The following VARS2 variants were observed in gnomAD, a reference collection of about 807,000 sequenced individuals.
VARS2 encodes valine--tRNA ligase, mitochondrial.
A neutral mutation model predicts 154.1 loss-of-function variants in VARS2; 105 were observed. The observed-to-expected ratio is 0.68, with a 90% confidence interval of 0.58 to 0.80. VARS2 has a LOEUF of 0.80. VARS2 is among the 30% of genes least tolerant of loss of function. The pLI is 0.00. For synonymous variants in VARS2, 483 were observed against 539.5 expected, an observed-to-expected ratio of 0.90 and a Z score of 1.45; for missense variants, 1,157 against 1,361.4, an observed-to-expected ratio of 0.85 and a Z score of 2.36.
chr6:30,917,070 G>A lies in VARS2; in HGVS notation c.754-35G>A. 6.2e-7 allele frequency: 1 copy of A among 1,614,232 alleles called. No individual in the cohort carries two copies. The highest frequency in any genetic ancestry group is 8.5e-7 in the Non-Finnish European group (1 of 1,180,046). ...CCTGAGCAGGGTGATGGGCTGAGAA[G>A]TGGCTCTTAGAGGTGGACACTCAGG... On this transcript the variant is annotated intron_variant, in intron 8 of 29. Transcript: ENST00000676266. This position sits in a 1 kb window ranked among gnomAD's most constrained non-coding sequence, Gnocchi z 4.4.
chr6:30,925,142 T>A, intron 26 of VARS2, 132 bp from the exon 27 acceptor site: 1 of 537,600 alleles, frequency 1.9e-6, no homozygotes, highest in Middle Eastern at 2.7e-4. Context: ...GATAGTGGAT[T>A]TTCTGTGGTG....
chr6:30,921,440 G>A lies in VARS2; in HGVS notation c.1632+135G>A, dbSNP rs1794506947. 3 of 1,417,710 alleles carry A rather than the reference G, an allele frequency of 2.1e-6. No homozygotes were observed. Among genetic ancestry groups the A allele is most frequent in the African/African-American group, 1.4e-5 (1 of 70,862 alleles). 87.8% of individuals were successfully genotyped at this position (1,417,710 alleles called of 1,614,324 possible). On this transcript the variant is annotated intron_variant, in intron 17 of 29. Coordinates refer to ENST00000676266, the MANE Select transcript of VARS2 (RefSeq NM_020442.6). This position sits in a 1 kb window ranked among gnomAD's most constrained non-coding sequence, Gnocchi z 4.6. ...CTCATAGTCATGTAACCTTCTGCGCGATCAAGGCTCCCTGAAGTGGCATTT... is the reference window on the plus strand; with the variant it reads ...CTCATAGTCATGTAACCTTCTGCGCAATCAAGGCTCCCTGAAGTGGCATTT...
rs142164262 is a variant in VARS2, at chr6:30,918,905, C to T, written c.1064C>T (p.Ser355Leu). 1.6e-4 allele frequency: 265 copies of T among 1,612,744 alleles called. No homozygotes were observed. The highest frequency in any genetic ancestry group is 1.9e-4 in the Non-Finnish European group (226 of 1,180,032). Residue 355 changes from serine (S) to leucine (L), a missense_variant, in exon 11 of 30, where the codon TCG becomes TTG. By Grantham distance (145) the Ser-to-Leu change is moderately radical. Transcript: ENST00000676266. Reference sequence around the variant, plus strand: ...GCTGTGGCCGTTCATCCAGACGACTCGCGATACACAGTAATACCCAGTGCG... The same window carrying T: ...GCTGTGGCCGTTCATCCAGACGACTTGCGATACACAGTAATACCCAGTGCG... ...DVAVAVHPDD[S>L]RYTHLHGRQL...
Position 30,926,171 on chromosome 6 carries a change from G to A in VARS2, c.3153G>A (p.Leu1051=). The A allele has an allele frequency of 1.2e-6, 2 of 1,613,118 alleles. No homozygotes were observed. The highest frequency in any genetic ancestry group is 1.7e-6 in the Non-Finnish European group (2 of 1,180,048). The part of the protein sequence containing the change: ...LDKAASHLRQ[L]MDEPPAPGSP... ...AGGCAGCCTCTCACCTCCGGCAGCT[G>A]ATGGATGAGCCTCCAGCCCCAGGGA... The change falls in exon 30 of 30, where the codon CTG becomes CTA. Residue 1051 remains leucine, a synonymous_variant. Coordinates refer to ENST00000676266, the MANE Select transcript of VARS2 (RefSeq NM_020442.6).
rs149734483 is a variant in VARS2 at position 30,922,174 on chromosome 6, T to C, written c.1865T>C (p.Leu622Pro). Residue 622 changes from leucine to proline, a missense_variant, in exon 20 of 30, where the codon CTG becomes CCG. Coordinates refer to ENST00000676266, the MANE Select transcript of VARS2 (RefSeq NM_020442.6). ...CTTTTGGAAACGGGCAGCGACCTTC[T>C]GCTGTTCTGGGTGGGCCGCATGGTC... is the stretch of plus-strand genomic sequence containing the variant. The part of the protein sequence containing the change: ...LSLLETGSDL[L>P]LFWVGRMVML... 5.6e-6 allele frequency: 9 copies of C among 1,612,684 alleles called. No individual in the cohort carries two copies. The African/African-American group carries it at 1.2e-4, about 22-fold the overall frequency.
rs1017986679 is a variant in VARS2, at chr6:30,914,336, G to A, written c.-36G>A. ...GCGGGGCGCCCTGGGATAGCGGCGGGGCCTCCTGGTGAGCGCGCGCCGGGG... is the reference window on the plus strand; with the variant it reads ...GCGGGGCGCCCTGGGATAGCGGCGGAGCCTCCTGGTGAGCGCGCGCCGGGG... On this transcript the variant is annotated 5_prime_UTR_variant, in exon 1 of 30. Coordinates refer to ENST00000676266, the MANE Select transcript of VARS2 (RefSeq NM_020442.6). 9.9e-5 allele frequency: 121 copies of A among 1,218,842 alleles called. No individual in the cohort carries two copies. In the African/African-American group the frequency reaches 1.5e-3, roughly 15 times the overall value. The allele number at this position is 1,218,842 out of a possible 1,614,324, so 75.5% of individuals were successfully genotyped here. A position where few individuals can be genotyped will look rare whatever the true frequency, so the allele number is the denominator to read the frequency against.
At position 30,921,356 on chromosome 6, in the gene VARS2, C is replaced by T. The variant is rs1439125278; in HGVS notation, c.1632+51C>T. On this transcript the variant is annotated intron_variant, in intron 17 of 29. Coordinates refer to ENST00000676266, the MANE Select transcript of VARS2 (RefSeq NM_020442.6). The surrounding 1 kb of genome is among the most constrained non-coding windows in gnomAD (Gnocchi z 4.6). ...GCCGAGTGTGGCACAGAGCACCTAG[C>T]CCAGGAGTCAGAGCTCCGCAGGGCC... is the stretch of plus-strand genomic sequence containing the variant. 6.2e-7 allele frequency: 1 copy of T among 1,606,932 alleles called. No individual in the cohort carries two copies. The highest frequency in any genetic ancestry group is 8.5e-7 in the Non-Finnish European group (1 of 1,174,340).
chr6:30,918,021 T>G (rs1467613305), intron 10 of VARS2, among the ~76,000 whole-genome samples: 1 of 151,994 alleles, frequency 6.6e-6, no homozygotes, highest in East Asian at 1.9e-4. Flanking sequence ...TCTTCAGGAG[T>G]GCGCTACCCA....
chr6:30,924,763 C>T (rs1282906485), intron 26 of VARS2, among the ~76,000 whole-genome samples: 1 of 152,164 alleles, frequency 6.6e-6, no homozygotes, highest in Non-Finnish European at 1.5e-5. Context: ...AAGAGCAGGA[C>T]TCTGTTGCTA....
rs1432537895 is a variant in VARS2 at position 30,914,238 on chromosome 6, G to GC, written c.-129dup. On this transcript the variant is annotated 5_prime_UTR_variant, in exon 1 of 30. Coordinates refer to ENST00000676266, the MANE Select transcript of VARS2 (RefSeq NM_020442.6). ...CTGCGCATGCGCCGGCCGGGGCCCC[G>GC]CCCCCATGCGCCGCGCGGCTCCAGG... The GC allele has an allele frequency of 1.3e-5, 9 of 675,800 alleles. No individual in the cohort carries two copies. The highest frequency in any genetic ancestry group is 7.4e-5 in the African/African-American group (4 of 53,824). The allele number at this position is 675,800 out of a possible 1,614,324, so 41.9% of individuals were successfully genotyped here.
In VARS2 at chr6:30,922,982, C is replaced by G. The variant is rs1392804131; in HGVS notation, c.2185+6C>G. 1 of 1,607,874 alleles carries G rather than the reference C, an allele frequency of 6.2e-7. No homozygotes were observed. The highest frequency in any genetic ancestry group is 1.7e-5 in the Admixed American group (1 of 59,770). ...CTGCTCCCATGGAGTTCAGGGTAAG[C>G]CTGGGCGAGGGGTGTCGGGGTGAGC... is the stretch of plus-strand genomic sequence containing the variant. On this transcript the variant is annotated splice_donor_region_variant and intron_variant, in intron 23 of 29. Transcript: ENST00000676266.
rs1794129614 is a variant in VARS2 at position 30,915,882 on chromosome 6, G to A, written c.506+15G>A. On this transcript the variant is annotated intron_variant, in intron 5 of 29. Coordinates refer to ENST00000676266, the MANE Select transcript of VARS2 (RefSeq NM_020442.6). Reference sequence around the variant, plus strand: ...CTCGTGCGCTGGTGAGAGGGGAGTGGGGGCTGCTTGAGTTCTTGGAAGGGA... The same window carrying A: ...CTCGTGCGCTGGTGAGAGGGGAGTGAGGGCTGCTTGAGTTCTTGGAAGGGA... The A allele has an allele frequency of 3.7e-6, 6 of 1,614,030 alleles. No homozygotes were observed. Among genetic ancestry groups the A allele is most frequent in the Non-Finnish European group, 5.1e-6 (6 of 1,179,934 alleles).
chr6:30,918,722 C>A, intron 10 of VARS2, 105 bp from the exon 11 acceptor site: 1 of 938,120 alleles, frequency 1.1e-6, no homozygotes, highest in South Asian at 1.5e-5. Flanking sequence ...TCCACCTTGA[C>A]TACTCCCTGC....
intron 28 of VARS2, 24 bp from the exon 29 acceptor site, chr6:30,925,856 C>G (rs746467039): frequency 3.7e-6 from 6 of 1,612,062 alleles, no homozygotes; most frequent in Non-Finnish European, 5.1e-6. Context: ...GATGTCTGAG[C>G]CTTTTCTCCC....
In VARS2 at chr6:30,923,184, A is replaced by G; in HGVS notation, c.2266A>G (p.Ile756Val). Residue 756 changes from isoleucine (I) to valine (V), a missense_variant, in exon 24 of 30, where the codon ATC (isoleucine) becomes GTC (valine). Transcript: ENST00000676266. Reference protein sequence around the residue: ...CNKIWNALRFILNALGEKFVP... With the variant: ...CNKIWNALRFVLNALGEKFVP... The stretch of plus-strand genomic sequence containing the variant: ...CAAGATCTGGAATGCTCTTCGCTTT[A>G]TCCTCAATGCTTTAGGGGAGAAATT... 1 of 1,613,082 alleles carries G rather than the reference A, an allele frequency of 6.2e-7. No homozygotes were observed. Among genetic ancestry groups the G allele is most frequent in the Non-Finnish European group, 8.5e-7 (1 of 1,180,028 alleles).
chr6:30,923,732 C>A, intron 25 of VARS2: 2 of 598,168 alleles, frequency 3.3e-6, no homozygotes, highest in Non-Finnish European at 5.6e-6. Context: ...AGGAGGGAGA[C>A]TTCTAGAAAT....
rs375719143 is a variant in VARS2 at position 30,918,924 on chromosome 6, C to T, written c.1074+9C>T. ...ACGACTCGCGATACACAGTAATACC[C>T]AGTGCGCTCCTGCACTCTGGCCCGC... is the stretch of plus-strand genomic sequence containing the variant. On this transcript the variant is annotated intron_variant, in intron 11 of 29. Transcript: ENST00000676266. 868 of 1,611,980 alleles carry T rather than the reference C, an allele frequency of 5.4e-4. No homozygotes were observed. The highest frequency in any genetic ancestry group is 6.8e-4 in the Non-Finnish European group (806 of 1,179,524).
Position 30,923,440 on chromosome 6 carries a change from G to A in VARS2, c.2401G>A (p.Glu801Lys), listed in dbSNP as rs1476146057. 1.2e-6 allele frequency: 2 copies of A among 1,612,276 alleles called. No homozygotes were observed. Among genetic ancestry groups the A allele is most frequent in the South Asian group, 1.1e-5 (1 of 91,086 alleles). ...QECERGFLTRELSLVTHALHH... is the reference protein window; with the variant it reads ...QECERGFLTRKLSLVTHALHH... ...GTGTGAGCGGGGCTTCCTCACCCGAGAGCTCTCGCTCGTCACTCATGCCCT... is the reference window on the plus strand; with the variant it reads ...GTGTGAGCGGGGCTTCCTCACCCGAAAGCTCTCGCTCGTCACTCATGCCCT... Residue 801 changes from glutamate to lysine, a missense_variant, in exon 25 of 30, where the codon GAG (glutamate) becomes AAG (lysine). By Grantham distance (56) the Glu-to-Lys change is moderately conservative (BLOSUM62 1). Coordinates refer to ENST00000676266, the MANE Select transcript of VARS2 (RefSeq NM_020442.6).
At chr6:30,915,517 A>G in intron 4 of VARS2, 62 bp downstream of exon 4, 1 of 1,532,304 alleles carries the variant, frequency 6.5e-7, no homozygotes, top group Non-Finnish European at 9.0e-7. Flanking sequence ...CTTGAATACA[A>G]CTGGACCTCA....
Sources: allele counts gnomAD v4.1 joint callset (sites outside exome capture counted in the v4.1 genomes callset), GRCh38; gene constraint gnomAD v4.1.1; non-coding constraint Gnocchi (gnomAD v3.1); transcripts MANE v1.5; gene names NCBI Gene and HGNC (gene_info 2026-07-23, HGNC 2026-07-21).